NBAS: variants seen among roughly 807,000 people sequenced by gnomAD.
NBAS encodes the protein NBAS subunit of NRZ tethering complex, also known as NAG/BC035112 fusion.
In NBAS, 219 loss-of-function variants were observed where a neutral mutation model predicts 302.5. The observed-to-expected ratio is 0.72, with a 90% confidence interval of 0.65 to 0.81. The LOEUF is 0.81. Among genes scored for constraint, NBAS ranks in the 30% least tolerant of loss-of-function variants. The pLI is 0.00. For synonymous variants in NBAS, 1,118 were observed against 1,021.6 expected, an observed-to-expected ratio of 1.09 and a Z score of -1.80; for missense variants, 2,932 against 2,841.6, an observed-to-expected ratio of 1.03 and a Z score of -0.72.
intron 46 of NBAS, among the ~76,000 whole-genome samples, chr2:15,234,025 C>T (rs763670949): frequency 2.0e-5 from 3 of 152,174 alleles, no homozygotes; most frequent in Non-Finnish European, 2.9e-5. Context: ...CACATATCGA[C>T]GCAAAGCAAG....
the NBAS span, among the ~76,000 whole-genome samples, chr2:14,856,210 A>G: frequency 6.6e-6 from 1 of 152,224 alleles, no homozygotes; most frequent in Non-Finnish European, 1.5e-5. Context: ...CAGTACCTCT[A>G]TGAGTCTGCA....
At chr2:15,559,793 T>G (rs747217160) in intron 1 of NBAS, among the ~76,000 whole-genome samples, 5 of 152,226 alleles carry the variant, frequency 3.3e-5, no homozygotes, top group Non-Finnish European at 4.4e-5. Flanking sequence ...GTGGTTACTT[T>G]TTTGGAATCA....
At chr2:15,245,092 C>G (rs886760414) in intron 44 of NBAS, among the ~76,000 whole-genome samples, 4 of 152,132 alleles carry the variant, frequency 2.6e-5, no homozygotes, top group Non-Finnish European at 5.9e-5. Context: ...CAGCACTACC[C>G]AGCAGCACGA....
the NBAS span, among the ~76,000 whole-genome samples, chr2:14,826,685 T>C: frequency 6.6e-6 from 1 of 152,204 alleles, no homozygotes; most frequent in African/African-American, 2.4e-5. Context: ...GACTGAGTCA[T>C]GAGGAAGAGA....
the NBAS span, among the ~76,000 whole-genome samples, chr2:15,071,310 G>A: frequency 6.6e-6 from 1 of 152,126 alleles, no homozygotes; most frequent in Non-Finnish European, 1.5e-5. Context: ...CTATTATATG[G>A]CCTGCAGTGC....
the NBAS span, among the ~76,000 whole-genome samples, chr2:15,149,514 C>A: frequency 2.6e-5 from 4 of 152,124 alleles, no homozygotes; most frequent in Admixed American, 6.6e-5. Flanking sequence ...GACACAGGGT[C>A]TCACACTGTC....
chr2:15,547,334 C>T (rs565297395), intron 6 of NBAS, among the ~76,000 whole-genome samples: 1 of 152,178 alleles, frequency 6.6e-6, no homozygotes, highest in Non-Finnish European at 1.5e-5. Context: ...GAGTTATTCC[C>T]ATAAAGATGA....
chr2:15,517,546 C>T (rs947932791), intron 9 of NBAS, among the ~76,000 whole-genome samples: 1 of 152,118 alleles, frequency 6.6e-6, no homozygotes, highest in Non-Finnish European at 1.5e-5. Flanking sequence ...TACACACACA[C>T]ACACATAAAC....
the NBAS span, among the ~76,000 whole-genome samples, chr2:15,039,089 A>G: frequency 4.6e-5 from 7 of 152,258 alleles, no homozygotes; most frequent in African/African-American, 1.7e-4. Flanking sequence ...ATCTGAATAC[A>G]CACTCTGACT....
the NBAS span, among the ~76,000 whole-genome samples, chr2:15,009,339 T>G: frequency 6.6e-6 from 1 of 152,120 alleles, no homozygotes; most frequent in Admixed American, 6.6e-5. Flanking sequence ...CTCAAGTTAT[T>G]TCCTTAATGT....
chr2:15,543,887 G>A (rs748642957), intron 6 of NBAS, among the ~76,000 whole-genome samples: 3 of 152,182 alleles, frequency 2.0e-5, no homozygotes, highest in African/African-American at 7.2e-5. Context: ...ATTCCAAAAT[G>A]TCAGGAGCTG....
chr2:15,543,681 G>A (rs951837768), intron 6 of NBAS, among the ~76,000 whole-genome samples: 180 of 152,240 alleles, frequency 1.2e-3, no homozygotes, highest in African/African-American at 4.1e-3. Flanking sequence ...ATCAGATCTC[G>A]TGAGACTTAT....
At chr2:14,787,068 A>G in the NBAS span, among the ~76,000 whole-genome samples, 2 of 152,126 alleles carry the variant, frequency 1.3e-5, no homozygotes, top group Admixed American at 6.6e-5. Flanking sequence ...TCCCTTTACC[A>G]TTATGTAATG....
the NBAS span, among the ~76,000 whole-genome samples, chr2:14,897,802 G>A: frequency 6.6e-6 from 1 of 152,118 alleles, no homozygotes; most frequent in Non-Finnish European, 1.5e-5. Flanking sequence ...TATTAAGAAG[G>A]CGGTGGTTAA....
At position 15,551,431 on chromosome 2, in the gene NBAS, A is replaced by T. The variant is rs369990090; in HGVS notation, c.379+62T>A. ...TTTAATATCTATTCTAACTTTTAAG[A>T]AACATTGGAAACCATTGCGCATTTG... On this transcript the variant is annotated intron_variant, in intron 6 of 51. Transcript: ENST00000281513. 106 of 1,105,324 alleles carry T rather than the reference A, an allele frequency of 9.6e-5. No homozygotes were observed. In the South Asian group the frequency reaches 1.5e-3, roughly 16 times the overall value. The allele number at this position is 1,105,324 out of a possible 1,614,324, so 68.5% of individuals were successfully genotyped here. A position where few individuals can be genotyped will look rare whatever the true frequency, so the allele number is the denominator to read the frequency against.
At chr2:15,107,287 A>G in the NBAS span, among the ~76,000 whole-genome samples, 1 of 152,074 alleles carries the variant, frequency 6.6e-6, no homozygotes, top group African/African-American at 2.4e-5. Flanking sequence ...ATAGTGAGAA[A>G]GTGGCTGTCT....
At chr2:15,143,400 T>C in the NBAS span, among the ~76,000 whole-genome samples, 2 of 152,196 alleles carry the variant, frequency 1.3e-5, no homozygotes, top group African/African-American at 4.8e-5. Flanking sequence ...CAACACTGGT[T>C]GACGGAGCAG....
chr2:15,510,315 T>C (rs1395609828), intron 10 of NBAS, among the ~76,000 whole-genome samples: 2 of 152,148 alleles, frequency 1.3e-5, no homozygotes, highest in African/African-American at 4.8e-5. Context: ...GGGGCCATAA[T>C]ACAATAAATG....
the NBAS span, chr2:14,886,532 T>C: frequency 6.6e-6 from 1 of 152,192 alleles, no homozygotes; most frequent in African/African-American, 2.4e-5. Context: ...GGATGGTCAT[T>C]TCCCCATCTC....
Sources: allele counts gnomAD v4.1 joint callset (sites outside exome capture counted in the v4.1 genomes callset), GRCh38; gene constraint gnomAD v4.1.1; transcripts MANE v1.5; gene names NCBI Gene and HGNC (gene_info 2026-07-23, HGNC 2026-07-21).